The following BTBD19 variants were observed in gnomAD, a reference collection of about 807,000 sequenced individuals.
BTBD19 encodes the protein BTB/POZ domain-containing protein 19.
In BTBD19, 20 loss-of-function variants were observed where a neutral mutation model predicts 36.1. The ratio of observed to expected loss-of-function variants is 0.55; its 90% CI spans 0.39 to 0.80. BTBD19 has a LOEUF of 0.80. BTBD19 is among the 30% of genes least tolerant of loss of function. The pLI, the probability that BTBD19 is intolerant of heterozygous loss-of-function variation, is 0.00. For missense variants in BTBD19, 325 were observed against 389.8 expected, an observed-to-expected ratio of 0.83 and a Z score of 1.40; for synonymous variants, 157 against 174.3, an observed-to-expected ratio of 0.90 and a Z score of 0.78.
chr1:44,813,292 A>C lies in BTBD19; in HGVS notation c.615+23A>C. 6.5e-7 allele frequency: 1 copy of C among 1,537,018 alleles called. No homozygotes were observed. The highest frequency in any genetic ancestry group is 8.7e-7 in the Non-Finnish European group (1 of 1,144,890). On this transcript the variant is annotated intron_variant, in intron 6 of 7. Transcript: ENST00000450269. The surrounding 1 kb of genome is among the most constrained non-coding windows in gnomAD (Gnocchi z 7.8). ...GCGGTGAGTGGGGCTGGGGGAGCGCAAGGGCACGGAAGGAGGTGCTGGCCA... is the reference window on the plus strand; with the variant it reads ...GCGGTGAGTGGGGCTGGGGGAGCGCCAGGGCACGGAAGGAGGTGCTGGCCA...
exon 1 of BTBD19, chr1:44,808,845 C>A (rs1366174287): frequency 6.5e-7 from 1 of 1,549,916 alleles, no homozygotes; most frequent in Admixed American, 2.0e-5. Context: ...ACTGGTCGTG[C>A]ATGGGAAAGC....
Position 44,813,614 on chromosome 1 carries a change from G to A in BTBD19, c.742-24G>A. 6.5e-7 allele frequency: 1 copy of A among 1,544,956 alleles called. No individual in the cohort carries two copies. Among genetic ancestry groups the A allele is most frequent in the Middle Eastern group, 1.7e-4 (1 of 5,958 alleles). ...GGGCGAGGGGCCACCGCGGGACTGC[G>A]CACTAACTGGCCTTGCTCTGCAGGT... On this transcript the variant is annotated intron_variant, in intron 7 of 7. Coordinates refer to ENST00000450269, the Ensembl canonical transcript of BTBD19. This position sits in a 1 kb window ranked among gnomAD's most constrained non-coding sequence, Gnocchi z 7.8.
chr1:44,809,040 G>A, intron 1 of BTBD19, 134 bp downstream of exon 1: 1 of 682,366 alleles, frequency 1.5e-6, no homozygotes, highest in Non-Finnish European at 2.3e-6. Flanking sequence ...GCTATGGGGA[G>A]GTCAAATGTG....
rs1459968087 is a variant in BTBD19, at chr1:44,812,106, C to G, written c.414+8C>G. ...GTTTGTGAGGCCCTGCAGGTGGGTG[C>G]TGCTGGACAGGCATGGTAGGAGTCT... On this transcript the variant is annotated splice_region_variant and intron_variant, in intron 4 of 7. Transcript: ENST00000450269. 6 of 1,303,556 alleles carry G rather than the reference C, an allele frequency of 4.6e-6. No homozygotes were observed. Among genetic ancestry groups the G allele is most frequent in the Non-Finnish European group, 5.1e-6 (5 of 987,294 alleles). 80.7% of individuals were successfully genotyped at this position (1,303,556 alleles called of 1,614,324 possible).
At position 44,813,266 on chromosome 1, in the gene BTBD19, C is replaced by A. The variant is rs1573628030; in HGVS notation, c.612C>A (p.Gly204=). ...CGGCCCGAAGCTGGGCGCGCGTGGGCGCGGTGAGTGGGGCTGGGGGAGCGC... is the reference window on the plus strand; with the variant it reads ...CGGCCCGAAGCTGGGCGCGCGTGGGAGCGGTGAGTGGGGCTGGGGGAGCGC... Residue 204 remains glycine, a synonymous_variant, in exon 6 of 8, where the codon GGC becomes GGA. Transcript: ENST00000450269. This position sits in a 1 kb window ranked among gnomAD's most constrained non-coding sequence, Gnocchi z 7.8. 6.5e-6 allele frequency: 10 copies of A among 1,535,704 alleles called. No individual in the cohort carries two copies. The highest frequency in any genetic ancestry group is 8.7e-6 in the Non-Finnish European group (10 of 1,143,540).
chr1:44,813,782 G>C lies in BTBD19; in HGVS notation c.*10G>C, dbSNP rs552343595. The C allele has an allele frequency of 3.1e-5, 48 of 1,551,198 alleles. No individual in the cohort carries two copies. The highest frequency in any genetic ancestry group is 4.0e-5 in the Non-Finnish European group (46 of 1,146,798). ...CCTGTCCTTCAAATGATCCAACGCC[G>C]GGACTCGCAGGGAGCCCTCGACCCG... On this transcript the variant is annotated 3_prime_UTR_variant, in exon 8 of 8. Transcript: ENST00000450269. The surrounding 1 kb of genome is among the most constrained non-coding windows in gnomAD (Gnocchi z 7.8).
At chr1:44,815,559 T>C (rs557447477), downstream of BTBD19, 5 of 148,550 alleles carry the variant, frequency 3.4e-5, no homozygotes, top group African/African-American at 1.3e-4. Context: ...GCTATGTAAA[T>C]GTTAAGTAAA....
downstream of BTBD19, chr1:44,814,754 A>G (rs1652638080): frequency 1.3e-5 from 2 of 150,766 alleles, no homozygotes; most frequent in Admixed American, 1.3e-4. Context: ...GGGTTTCACC[A>G]TGTTGGCCAG....
Position 44,812,975 on chromosome 1 carries a change from TCTC to T in BTBD19, c.415-19_415-17del, listed in dbSNP as rs1652495402. 4 of 1,541,554 alleles carry T rather than the reference TCTC, an allele frequency of 2.6e-6. No individual in the cohort carries two copies. The East Asian group carries it at 9.8e-5, about 38-fold the overall frequency. ...ACGGCCTCTCCAGTCTCCAACCTGATCTCCCTCATTCTGCTCGCAGGTGGCCGT... is the reference window on the plus strand; with the variant it reads ...ACGGCCTCTCCAGTCTCCAACCTGATCCTCATTCTGCTCGCAGGTGGCCGT... On this transcript the variant is annotated intron_variant, in intron 4 of 7. Coordinates refer to ENST00000450269, the Ensembl canonical transcript of BTBD19.
In BTBD19 at chr1:44,813,009, T is replaced by C. The variant is rs1197392625; in HGVS notation, c.428T>C (p.Phe143Ser). Residue 143 changes from phenylalanine (F) to serine (S), a missense_variant, in exon 5 of 8, where the codon TTT becomes TCT. Physicochemically the swap from Phe to Ser is radical, Grantham distance 155. Transcript: ENST00000450269. This position sits in a 1 kb window ranked among gnomAD's most constrained non-coding sequence, Gnocchi z 7.8. ...TTCTGCTCGCAGGTGGCCGTAACCT[T>C]TGGCCTGGGGCAGCTGCAGGAGCGC... 3 of 1,551,240 alleles carry C rather than the reference T, an allele frequency of 1.9e-6. No homozygotes were observed. The highest frequency in any genetic ancestry group is 3.3e-4 in the Middle Eastern group (2 of 5,990).
At chr1:44,808,636 G>A (rs1030057286) in exon 1 of BTBD19, 4 of 450,896 alleles carry the variant, frequency 8.9e-6, no homozygotes, top group Admixed American at 4.0e-5. Flanking sequence ...TCCTGTCCCC[G>A]AGCCTCTGGC....
At position 44,810,570 on chromosome 1, in the gene BTBD19, C is replaced by G. The variant is rs183942444; in HGVS notation, c.317C>G (p.Thr106Arg). The change falls in exon 3 of 8, where the codon ACA becomes AGA. Residue 106 changes from threonine to arginine, a missense_variant. Coordinates refer to ENST00000450269, the Ensembl canonical transcript of BTBD19. The surrounding 1 kb of genome is among the most constrained non-coding windows in gnomAD (Gnocchi z 4.2). ...ACTCTACAGGTGCTGGAAGTGCTGA[C>G]AGCGGCTGTGGAGTATGGGCTGGAG... 3.9e-6 allele frequency: 6 copies of G among 1,550,198 alleles called. No individual in the cohort carries two copies. The highest frequency in any genetic ancestry group is 4.4e-6 in the Non-Finnish European group (5 of 1,146,604).
chr1:44,815,350 G>A (rs1475308225), downstream of BTBD19: 1 of 152,088 alleles, frequency 6.6e-6, no homozygotes, highest in Non-Finnish European at 1.5e-5. Context: ...TACAATCTTT[G>A]TATAAATTCA....
In BTBD19 at chr1:44,813,802, G is replaced by C; in HGVS notation, c.*30G>C. The C allele has an allele frequency of 9.7e-6, 15 of 1,550,822 alleles. No homozygotes were observed. Among genetic ancestry groups the C allele is most frequent in the Non-Finnish European group, 1.2e-5 (14 of 1,146,728 alleles). ...ACGCCGGGACTCGCAGGGAGCCCTC[G>C]ACCCGCCCAGCTGAGCCTGCCCCAA... On this transcript the variant is annotated 3_prime_UTR_variant, in exon 8 of 8. Coordinates refer to ENST00000450269, the Ensembl canonical transcript of BTBD19. This position sits in a 1 kb window ranked among gnomAD's most constrained non-coding sequence, Gnocchi z 7.8.
At position 44,813,180 on chromosome 1, in the gene BTBD19, G is replaced by T; in HGVS notation, c.526G>T (p.Ala176Ser). Residue 176 changes from alanine to serine, a missense_variant, in exon 6 of 8, where the codon GCG becomes TCG. Coordinates refer to ENST00000450269, the Ensembl canonical transcript of BTBD19. This position sits in a 1 kb window ranked among gnomAD's most constrained non-coding sequence, Gnocchi z 7.8. ...AGGCTTCCTGGAGCTGTCGGCGGCC[G>T]CGCTGCTGCCCCTGCTCCGCAGCGA... 1 of 1,546,942 alleles carries T rather than the reference G, an allele frequency of 6.5e-7. No homozygotes were observed. Among genetic ancestry groups the T allele is most frequent in the Non-Finnish European group, 8.7e-7 (1 of 1,144,838 alleles).
chr1:44,815,263 C>T (rs1652654884), downstream of BTBD19: 1 of 152,178 alleles, frequency 6.6e-6, no homozygotes, highest in Admixed American at 6.5e-5. Flanking sequence ...CATTGACCTC[C>T]AGGACAAAAT....
downstream of BTBD19, chr1:44,814,190 C>CTTTTTCTTTCTTTCTT (rs772980155): frequency 8.5e-6 from 1 of 117,770 alleles, no homozygotes; most frequent in African/African-American, 3.7e-5. Flanking sequence ...TTCTTTCTTT[C>CTTTTTCTTTCTTTCTT]TTTCTTTCTT....
Position 44,810,689 on chromosome 1 carries a change from G to C in BTBD19, c.354+82G>C, listed in dbSNP as rs1352948871. ...CCCGCCCTGCCTCACACACACTCTGGCCTGGAGAGGAACGTGTGCCCACAC... is the reference window on the plus strand; with the variant it reads ...CCCGCCCTGCCTCACACACACTCTGCCCTGGAGAGGAACGTGTGCCCACAC... On this transcript the variant is annotated intron_variant, in intron 3 of 7. Transcript: ENST00000450269. This position sits in a 1 kb window ranked among gnomAD's most constrained non-coding sequence, Gnocchi z 4.2. 7.4e-7 allele frequency: 1 copy of C among 1,343,322 alleles called. No homozygotes were observed. Among genetic ancestry groups the C allele is most frequent in the African/African-American group, 1.5e-5 (1 of 68,202 alleles). The allele number at this position is 1,343,322 out of a possible 1,614,324, so 83.2% of individuals were successfully genotyped here.
At position 44,813,971 on chromosome 1, in the gene BTBD19, CG is replaced by C. The variant is rs930868548; in HGVS notation, c.*202del. 2.3e-6 allele frequency: 2 copies of C among 865,628 alleles called. No individual in the cohort carries two copies. Among genetic ancestry groups the C allele is most frequent in the African/African-American group, 3.4e-5 (2 of 58,676 alleles). 53.6% of individuals were successfully genotyped at this position (865,628 alleles called of 1,614,324 possible). On this transcript the variant is annotated 3_prime_UTR_variant, in exon 8 of 8. Transcript: ENST00000450269. This position sits in a 1 kb window ranked among gnomAD's most constrained non-coding sequence, Gnocchi z 7.8. ...CCGTGTGGGCGAGGTGGGGTCGGGC[CG>C]GGCAGGGCTTGGGCTGGGCCTCCCT...
Sources: allele counts gnomAD v4.1 joint callset, GRCh38; gene constraint gnomAD v4.1.1; non-coding constraint Gnocchi (gnomAD v3.1); transcripts MANE v1.5; gene names NCBI Gene and HGNC (gene_info 2026-07-23, HGNC 2026-07-21).